Variants in SEMA6D observed in about 807,000 individuals in gnomAD.
SEMA6D encodes semaphorin-6D.
A neutral mutation model predicts 106.6 loss-of-function variants in SEMA6D; 35 were observed. That is an observed-to-expected ratio of 0.33 (90% CI 0.25 to 0.44). SEMA6D has a LOEUF of 0.44. SEMA6D is among the 20% of genes least tolerant of loss of function. The probability of loss-of-function intolerance (pLI) is 1.00; values close to 1 mark genes in which losing one functional copy is unlikely to be tolerated. For synonymous variants in SEMA6D, 499 were observed against 487.7 expected (o/e 1.02, Z -0.31); for missense variants, 1,185 against 1,345.9 (o/e 0.88, Z 1.87).
At chr15:47,428,394 T>A (rs2041415939) in intron 2 of SEMA6D, among the ~76,000 whole-genome samples, 1 of 152,170 alleles carries the variant, frequency 6.6e-6, no homozygotes, top group Non-Finnish European at 1.5e-5. Context: ...TATAACCATG[T>A]ACTGCAGTTC....
At chr15:47,569,033 A>G (rs1301917516) in intron 3 of SEMA6D, among the ~76,000 whole-genome samples, 1 of 152,124 alleles carries the variant, frequency 6.6e-6, no homozygotes, top group African/African-American at 2.4e-5. Context: ...GCTGTTTGGG[A>G]AAACGAGGAG....
chr15:47,761,360 G>A lies in SEMA6D; in HGVS notation c.376G>A (p.Val126Ile). The A allele has an allele frequency of 5.6e-6, 9 of 1,613,274 alleles. No individual in the cohort carries two copies. Among genetic ancestry groups the A allele is most frequent in the Admixed American group, 1.7e-5 (1 of 59,938 alleles). The change falls in exon 6 of 19, where the codon GTT (valine) becomes ATT (isoleucine). Residue 126 changes from valine (V) to isoleucine (I), a missense_variant. By Grantham distance (29) the Val-to-Ile change is conservative (BLOSUM62 3). This residue lies in a region of SEMA6D where 291 missense variants were observed against 423.8 expected (regional missense o/e 0.69). Transcript: ENST00000536845. ...DECHNFIKVF[V>I]PRNDEMVFVC... ...ATGCCACAACTTTATCAAAGTATTT[G>A]TTCCAAGAAACGATGAGATGGTTTT...
At chr15:47,753,831 A>G (rs1204931657) in intron 1 of SEMA6D, among the ~76,000 whole-genome samples, 1 of 152,198 alleles carries the variant, frequency 6.6e-6, no homozygotes, top group Non-Finnish European at 1.5e-5. Context: ...AACCAACTCC[A>G]CATTCAGATC....
In SEMA6D at chr15:47,657,023, G is replaced by T. The variant is rs539613991; in HGVS notation, c.-55+56127G>T. 2.0e-5 allele frequency among the ~76,000 whole-genome samples: 3 copies of T among 152,336 alleles called. No homozygotes were observed. The East Asian group carries it at 5.8e-4, about 29-fold the overall frequency. The stretch of plus-strand genomic sequence containing the variant: ...AGCATCAGGCTGTGTTGTTGAAATT[G>T]TATCGAATGCCAGATTCACCTGAAA... On this transcript the variant is annotated intron_variant, in intron 4 of 19. Coordinates refer to the SEMA6D transcript ENST00000558014.
At chr15:47,514,114 G>A (rs1409788135) in intron 3 of SEMA6D, among the ~76,000 whole-genome samples, 1 of 152,186 alleles carries the variant, frequency 6.6e-6, no homozygotes, top group Non-Finnish European at 1.5e-5. Flanking sequence ...ATGTGGTATG[G>A]GAGACTTGGA....
At chr15:47,291,785 A>T (rs987465626) in intron 1 of SEMA6D, among the ~76,000 whole-genome samples, 2 of 152,204 alleles carry the variant, frequency 1.3e-5, no homozygotes, top group African/African-American at 4.8e-5. Context: ...ATAATACCAT[A>T]ACACTGTGAT....
chr15:47,294,591 T>C (rs956826815), intron 1 of SEMA6D, among the ~76,000 whole-genome samples: 4 of 152,214 alleles, frequency 2.6e-5, no homozygotes, highest in African/African-American at 7.2e-5. Context: ...TGTTCTCATT[T>C]TCTGACTTCC....
At chr15:47,507,494 A>G (rs1367185922) in intron 3 of SEMA6D, among the ~76,000 whole-genome samples, 2 of 152,170 alleles carry the variant, frequency 1.3e-5, no homozygotes, top group Non-Finnish European at 2.9e-5. Flanking sequence ...CATTGAAACC[A>G]GGCCTGCCAC....
chr15:47,281,706 A>T (rs1405524744), intron 1 of SEMA6D, among the ~76,000 whole-genome samples: 2 of 152,148 alleles, frequency 1.3e-5, no homozygotes, highest in Non-Finnish European at 2.9e-5. Flanking sequence ...AATAGAGCAC[A>T]GTATAATGTT....
chr15:47,201,669 C>T (rs578038147), intron 1 of SEMA6D, among the ~76,000 whole-genome samples: 7 of 152,084 alleles, frequency 4.6e-5, no homozygotes, highest in Non-Finnish European at 8.8e-5. Flanking sequence ...TCACTGAAGC[C>T]GTAATGTTTA....
chr15:47,340,702 G>A (rs952409932), intron 1 of SEMA6D, among the ~76,000 whole-genome samples: 6 of 152,182 alleles, frequency 3.9e-5, no homozygotes, highest in African/African-American at 1.4e-4. Context: ...AAATGATGAT[G>A]TGGCATCACA....
chr15:47,523,623 C>A (rs911246242), intron 3 of SEMA6D, among the ~76,000 whole-genome samples: 1 of 152,136 alleles, frequency 6.6e-6, no homozygotes, highest in Admixed American at 6.5e-5. Flanking sequence ...CCAATTTTCT[C>A]CTAGAAGGTA....
chr15:47,292,447 G>C (rs1169538795), intron 1 of SEMA6D, among the ~76,000 whole-genome samples: 1 of 152,018 alleles, frequency 6.6e-6, no homozygotes, highest in Non-Finnish European at 1.5e-5. Flanking sequence ...TGAGTTTTTT[G>C]TTTTCCTTTA....
In SEMA6D at chr15:47,521,252, G is replaced by A. The variant is rs80057213; in HGVS notation, c.-87+50707G>A. ...GAGGTGTCATAAGTGAGTTGCTGGA[G>A]GGGCAGCGGTGGAAGCAGGGACCTG... On this transcript the variant is annotated intron_variant, in intron 3 of 19. Transcript: ENST00000558014. Among the ~76,000 whole-genome samples, 33 of 152,290 alleles carry A rather than the reference G, an allele frequency of 2.2e-4. 1 individual carries two copies. The East Asian group carries it at 6.4e-3, about 30-fold the overall frequency.
intron 3 of SEMA6D, among the ~76,000 whole-genome samples, chr15:47,560,762 T>C (rs2046054868): frequency 6.6e-6 from 1 of 152,104 alleles, no homozygotes; most frequent in East Asian, 1.9e-4. Context: ...ATTATCTCTG[T>C]GTGCCCTAGT....
At chr15:47,369,470 G>T (rs970528363) in intron 1 of SEMA6D, among the ~76,000 whole-genome samples, 6 of 152,076 alleles carry the variant, frequency 3.9e-5, no homozygotes, top group East Asian at 3.9e-4. Context: ...ACTATGTTGG[G>T]CTTAGAGTGA....
chr15:47,229,601 T>C (rs772589263), intron 1 of SEMA6D, among the ~76,000 whole-genome samples: 3 of 150,186 alleles, frequency 2.0e-5, no homozygotes, highest in African/African-American at 7.3e-5. Flanking sequence ...ATGCATACTG[T>C]TCACTTCTGC....
chr15:47,298,161 T>C (rs2035876915), intron 1 of SEMA6D, among the ~76,000 whole-genome samples: 1 of 152,090 alleles, frequency 6.6e-6, no homozygotes, highest in Admixed American at 6.6e-5. Context: ...GAGAAGAAAC[T>C]CATGGAGATG....
chr15:47,471,931 TCACACACACACACA>T (rs1168586101), intron 3 of SEMA6D, among the ~76,000 whole-genome samples: 215 of 121,510 alleles, frequency 1.8e-3, no homozygotes, highest in African/African-American at 7.0e-3. Context: ...TCTCTCTCTC[TCACACACACACACA>T]CACACACACA....
Sources: gnomAD v4.1 joint callset for allele counts (sites outside exome capture counted in the v4.1 genomes callset) on GRCh38, gnomAD v4.1.1 for gene constraint, gnomAD v4.1.1 regional missense constraint, MANE v1.5 for transcripts, NCBI Gene and HGNC (gene_info 2026-07-23, HGNC 2026-07-21) for gene names.